Variants in RNF111 observed in about 807,000 individuals in gnomAD.
RNF111 encodes the protein ring finger protein 111, also known as E3 ubiquitin-protein ligase Arkadia.
RNF111 carries 17 observed loss-of-function variants against 95.1 expected under a neutral mutation model. The ratio of observed to expected loss-of-function variants is 0.18; its 90% CI spans 0.12 to 0.27. RNF111 has a LOEUF of 0.27. Among genes scored for constraint, RNF111 ranks in the 10% least tolerant of loss-of-function variants. The pLI is 1.00. For missense variants in RNF111, 1,189 were observed against 1,210.4 expected (o/e 0.98, Z 0.26); for synonymous variants, 440 against 414.8 (o/e 1.06, Z -0.74).
At chr15:59,070,084 A>T (rs1267940587) in intron 6 of RNF111, among the ~76,000 whole-genome samples, 1 of 115,198 alleles carries the variant, frequency 8.7e-6, no homozygotes, top group East Asian at 2.7e-4. Context: ...CTTGTTTCTC[A>T]GGCTGGCCTT....
chr15:59,094,474 C>T (rs74975932), intron 13 of RNF111, among the ~76,000 whole-genome samples: 8,768 of 152,152 alleles, frequency 0.058, 845 homozygotes, highest in African/African-American at 0.2. Context: ...TGACAGGTAA[C>T]ATACTGCTAA....
chr15:59,009,064 A>G (rs1420620357), intron 1 of RNF111, among the ~76,000 whole-genome samples: 3 of 152,044 alleles, frequency 2.0e-5, no homozygotes, highest in African/African-American at 7.2e-5. Context: ...GGTTCAAGCG[A>G]TTCTCTTGCC....
intron 1 of RNF111, among the ~76,000 whole-genome samples, chr15:59,008,040 G>A (rs1452969782): frequency 1.3e-5 from 2 of 152,098 alleles, no homozygotes; most frequent in Non-Finnish European, 2.9e-5. Context: ...TTAAGAAATG[G>A]TAGTACTTTC....
intron 1 of RNF111, among the ~76,000 whole-genome samples, chr15:59,020,225 G>A: frequency 6.7e-6 from 1 of 149,274 alleles, no homozygotes; most frequent in East Asian, 1.9e-4. Context: ...ATACAATAAA[G>A]ATAATATGTA....
rs35804813 is a variant in RNF111, at chr15:59,064,535, CA to C, written c.1367-2211del. ...TGGGCGACAGAGCAAGACTTTGTCGCAAAAAAAAAAAAAAAAAAGGAAATAA... is the reference window on the plus strand; with the variant it reads ...TGGGCGACAGAGCAAGACTTTGTCGCAAAAAAAAAAAAAAAAAGGAAATAA... On this transcript the variant is annotated intron_variant, in intron 5 of 13. Coordinates refer to ENST00000348370, the MANE Select transcript of RNF111 (RefSeq NM_017610.8). 2.0e-3 allele frequency among the ~76,000 whole-genome samples: 152 copies of C among 76,698 alleles called. 2 individuals carry two copies. Among genetic ancestry groups the C allele is most frequent in the Admixed American group, 4.5e-3 (30 of 6,704 alleles). The allele number at this position is 76,698 out of a possible 152,430, so 50.3% of individuals were successfully genotyped here.
intron 2 of RNF111, among the ~76,000 whole-genome samples, chr15:59,042,971 T>C (rs1228508846): frequency 1.3e-5 from 2 of 152,114 alleles, no homozygotes; most frequent in Non-Finnish European, 2.9e-5. Context: ...TTACAGAGAG[T>C]TGACATCTTG....
At chr15:59,085,930 G>A (rs2078885724) in intron 10 of RNF111, 145 bp downstream of exon 10, 1 of 690,760 alleles carries the variant, frequency 1.4e-6, no homozygotes, top group South Asian at 2.0e-5. Flanking sequence ...CTATAAAAAG[G>A]TATTAGATGT....
intron 13 of RNF111, among the ~76,000 whole-genome samples, chr15:59,092,843 T>C (rs1345855562): frequency 6.6e-6 from 1 of 151,644 alleles, no homozygotes; most frequent in Non-Finnish European, 1.5e-5. Flanking sequence ...AAAAGAAAAA[T>C]AGTACAATTA....
At chr15:59,062,051 CTTTTTTTTT>C (rs71119429) in intron 5 of RNF111, among the ~76,000 whole-genome samples, 10 of 122,280 alleles carry the variant, frequency 8.2e-5, no homozygotes, top group African/African-American at 2.4e-4. Flanking sequence ...TTTTAAACTT[CTTTTTTTTT>C]TTTTTTTTTT....
chr15:58,995,075 C>T (rs1417089322), intron 1 of RNF111, among the ~76,000 whole-genome samples: 1 of 152,156 alleles, frequency 6.6e-6, no homozygotes, highest in Non-Finnish European at 1.5e-5. Flanking sequence ...TGGAACAGTG[C>T]ACCTAATAAG....
Position 59,094,632 on chromosome 15 carries a change from C to A in RNF111, c.2844-151C>A, listed in dbSNP as rs74799576. 1,867 of 538,206 alleles carry A rather than the reference C, an allele frequency of 3.5e-3. 32 individuals carry two copies. Among genetic ancestry groups the A allele is most frequent in the African/African-American group, 0.033 (1,689 of 51,038 alleles). 33.3% of individuals were successfully genotyped at this position (538,206 alleles called of 1,614,324 possible). On this transcript the variant is annotated intron_variant, in intron 13 of 13. Transcript: ENST00000348370. ...TTGATCATTTATATATTATATTGCC[C>A]AGAGTGCTAATTTAATCGATGTGTT... is the stretch of plus-strand genomic sequence containing the variant.
chr15:59,088,221 A>C (rs2078952109), intron 10 of RNF111, among the ~76,000 whole-genome samples: 1 of 152,186 alleles, frequency 6.6e-6, no homozygotes, highest in Non-Finnish European at 1.5e-5. Flanking sequence ...GAACAGGTGA[A>C]GGGAGGAGTG....
intron 2 of RNF111, among the ~76,000 whole-genome samples, chr15:59,037,559 G>A (rs59540276): frequency 0.31 from 47,089 of 152,004 alleles, 7,346 homozygotes; most frequent in East Asian, 0.41. Context: ...AGGTATTGCC[G>A]GGCGTGGTGG....
intron 6 of RNF111, among the ~76,000 whole-genome samples, chr15:59,068,345 G>T (rs1280797763): frequency 6.6e-6 from 1 of 152,230 alleles, no homozygotes; most frequent in Admixed American, 6.5e-5. Context: ...GGTGGCTCAC[G>T]CCTGTAATTC....
intron 3 of RNF111, 54 bp downstream of exon 3, chr15:59,052,485 C>A: frequency 3.3e-6 from 4 of 1,223,510 alleles, no homozygotes; most frequent in Non-Finnish European, 3.3e-6. Context: ...AAATATTAAA[C>A]ATATTTGTGC....
At chr15:59,079,481 A>G (rs973679503) in intron 7 of RNF111, among the ~76,000 whole-genome samples, 1 of 152,244 alleles carries the variant, frequency 6.6e-6, no homozygotes, top group African/African-American at 2.4e-5. Context: ...AACAAGGCAT[A>G]CTTTGAAAAT....
chr15:59,000,732 G>C (rs1209233308), intron 1 of RNF111, among the ~76,000 whole-genome samples: 1 of 151,360 alleles, frequency 6.6e-6, no homozygotes, highest in Admixed American at 6.6e-5. Context: ...AAAGATAACT[G>C]CTGCTGCAGA....
intron 1 of RNF111, among the ~76,000 whole-genome samples, chr15:59,003,459 C>T (rs1195500373): frequency 1.3e-5 from 2 of 152,148 alleles, no homozygotes; most frequent in Non-Finnish European, 2.9e-5. Flanking sequence ...AGTGCAGTGG[C>T]ATGATCCCTG....
chr15:58,993,727 A>G (rs1462748435), intron 1 of RNF111, among the ~76,000 whole-genome samples: 2 of 152,180 alleles, frequency 1.3e-5, no homozygotes. Context: ...ACCTGCCTGA[A>G]GGGGCTTATG....
Sources: gnomAD v4.1 joint callset for allele counts (sites outside exome capture counted in the v4.1 genomes callset) on GRCh38, gnomAD v4.1.1 for gene constraint, MANE v1.5 for transcripts, NCBI Gene and HGNC (gene_info 2026-07-23, HGNC 2026-07-21) for gene names.